Variants in FRMD6 observed in about 807,000 individuals in gnomAD.
FRMD6 encodes the protein FERM domain-containing protein 6.
Under a neutral mutation model 73.2 loss-of-function variants are expected in FRMD6, and 37 were observed. The observed-to-expected ratio is 0.51, with a 90% CI of 0.39 to 0.66. The LOEUF is 0.66. Among genes scored for constraint, FRMD6 ranks in the 30% least tolerant of loss-of-function variants. The pLI, the probability that FRMD6 is intolerant of heterozygous loss-of-function variation, is 0.00. For synonymous variants in FRMD6, 273 were observed against 282.2 expected, an observed-to-expected ratio of 0.97 and a Z score of 0.33; for missense variants, 714 against 780.5, an observed-to-expected ratio of 0.91 and a Z score of 1.02.
At position 51,720,047 on chromosome 14, in the gene FRMD6, C is replaced by T. The variant is rs1203645905; in HGVS notation, c.1025-8C>T. The stretch of plus-strand genomic sequence containing the variant: ...CTTGGTTAATGAACTGTGTTCCCCA[C>T]CACGTAGAGAAGAAGCAGTACCGGG... On this transcript the variant is annotated splice_polypyrimidine_tract_variant and splice_region_variant and intron_variant, in intron 10 of 13. Coordinates refer to ENST00000344768, the MANE Select transcript of FRMD6 (RefSeq NM_001267046.2). 1.9e-6 allele frequency: 3 copies of T among 1,602,206 alleles called. No homozygotes were observed.
chr14:51,481,552 A>G, the FRMD6 span, among the ~76,000 whole-genome samples: 3 of 152,240 alleles, frequency 2.0e-5, no homozygotes, highest in Admixed American at 6.5e-5. Context: ...CAGCCAAGCC[A>G]TATCAAACTG....
At chr14:51,479,088 A>G in the FRMD6 span, among the ~76,000 whole-genome samples, 1,482 of 152,276 alleles carry the variant, frequency 9.7e-3, 29 homozygotes, top group Admixed American at 0.053. Context: ...CAAAAATGCT[A>G]GTTAATTATG....
At chr14:51,716,670 G>A (rs1157698648) in intron 10 of FRMD6, among the ~76,000 whole-genome samples, 1 of 152,204 alleles carries the variant, frequency 6.6e-6, no homozygotes, top group African/African-American at 2.4e-5. Flanking sequence ...ATTCCTCACT[G>A]TCTGCCACAA....
chr14:51,417,113 C>T, the FRMD6 span, among the ~76,000 whole-genome samples: 11 of 152,144 alleles, frequency 7.2e-5, no homozygotes, highest in African/African-American at 2.2e-4. Flanking sequence ...CCCAATTTGC[C>T]AGTCTGTGTC....
At chr14:51,583,057 T>G (rs1006913522) in intron 2 of FRMD6, among the ~76,000 whole-genome samples, 1 of 152,236 alleles carries the variant, frequency 6.6e-6, no homozygotes, top group Non-Finnish European at 1.5e-5. Context: ...TTCATTTTAT[T>G]ATGTATTGAA....
At chr14:51,421,140 C>T in the FRMD6 span, among the ~76,000 whole-genome samples, 44,044 of 152,008 alleles carry the variant, frequency 0.29, 7,074 homozygotes, top group East Asian at 0.58. Context: ...GAACCAATCC[C>T]CTACAGATAC....
At chr14:51,618,010 C>T (rs1298154993) in intron 2 of FRMD6, among the ~76,000 whole-genome samples, 1 of 151,860 alleles carries the variant, frequency 6.6e-6, no homozygotes, top group African/African-American at 2.4e-5. Flanking sequence ...TGATATCTGC[C>T]CTCATGGAGC....
chr14:51,589,269 C>T (rs943521859), intron 2 of FRMD6, among the ~76,000 whole-genome samples: 2 of 152,078 alleles, frequency 1.3e-5, no homozygotes, highest in Non-Finnish European at 2.9e-5. Flanking sequence ...GTATTTATCA[C>T]TCCTAGATTT....
At chr14:51,722,890 G>A (rs1238021312) in intron 12 of FRMD6, among the ~76,000 whole-genome samples, 1 of 152,192 alleles carries the variant, frequency 6.6e-6, no homozygotes, top group Non-Finnish European at 1.5e-5. Flanking sequence ...CACAGCTCCT[G>A]ATGTTCATCG....
chr14:51,479,041 G>T, the FRMD6 span, among the ~76,000 whole-genome samples: 4 of 152,138 alleles, frequency 2.6e-5, no homozygotes, highest in African/African-American at 9.7e-5. Flanking sequence ...GTGTTGGCCA[G>T]GGCAGAATTA....
At chr14:51,459,724 G>A in the FRMD6 span, among the ~76,000 whole-genome samples, 34 of 151,050 alleles carry the variant, frequency 2.3e-4, no homozygotes, top group African/African-American at 7.8e-4. Context: ...CTGCTCGGGA[G>A]GCTGAGGCAG....
rs977672270 is a variant in FRMD6 at position 51,689,998 on chromosome 14, T to A, written c.99+63T>A. On this transcript the variant is annotated intron_variant, in intron 2 of 13. Coordinates refer to ENST00000344768, the MANE Select transcript of FRMD6 (RefSeq NM_001267046.2). ...GTTTTCACCAGTGGCCACATTCAAC[T>A]TATGACTTGATTAAGGGTGAAATCT... The A allele has an allele frequency of 4.8e-6, 5 of 1,045,612 alleles. No homozygotes were observed. The African/African-American group carries it at 7.8e-5, about 16-fold the overall frequency. 64.8% of individuals were successfully genotyped at this position (1,045,612 alleles called of 1,614,324 possible).
At chr14:51,499,228 A>T (rs530627945) in intron 1 of FRMD6, among the ~76,000 whole-genome samples, 5 of 152,222 alleles carry the variant, frequency 3.3e-5, no homozygotes, top group Non-Finnish European at 5.9e-5. Context: ...GGAGATGTTG[A>T]CTCTCAGCAA....
chr14:51,411,331 A>G, the FRMD6 span, among the ~76,000 whole-genome samples: 3 of 152,338 alleles, frequency 2.0e-5, no homozygotes, highest in East Asian at 3.9e-4. Flanking sequence ...AACCAAATTT[A>G]GGGGAATATT....
the FRMD6 span, among the ~76,000 whole-genome samples, chr14:51,482,312 G>A: frequency 4.7e-4 from 71 of 152,288 alleles, 1 homozygote; most frequent in African/African-American, 1.3e-3. Flanking sequence ...GCCAGCCCTC[G>A]CACGTGGTGT....
the FRMD6 span, among the ~76,000 whole-genome samples, chr14:51,479,247 G>A: frequency 2.4e-4 from 37 of 152,282 alleles, no homozygotes; most frequent in African/African-American, 7.0e-4. Context: ...ATCATTGTGC[G>A]CTAAAGGGTT....
chr14:51,485,159 G>T (rs541026477), upstream of FRMD6, among the ~76,000 whole-genome samples: 146 of 152,326 alleles, frequency 9.6e-4, no homozygotes, highest in Non-Finnish European at 1.4e-3. Flanking sequence ...GTTACAGAGG[G>T]CCTCTCACCA....
At chr14:51,508,196 C>T (rs1467960625) in intron 1 of FRMD6, among the ~76,000 whole-genome samples, 4 of 151,902 alleles carry the variant, frequency 2.6e-5, no homozygotes, top group East Asian at 1.9e-4. Flanking sequence ...TGACCCCATC[C>T]GGCCCTGCCT....
chr14:51,449,360 G>A, the FRMD6 span, among the ~76,000 whole-genome samples: 1 of 152,198 alleles, frequency 6.6e-6, no homozygotes, highest in Admixed American at 6.5e-5. Flanking sequence ...GAGCATGGTG[G>A]TGATTTTGAG....
Sources: allele counts gnomAD v4.1 joint callset (sites outside exome capture counted in the v4.1 genomes callset), GRCh38; gene constraint gnomAD v4.1.1; transcripts MANE v1.5; gene names NCBI Gene and HGNC (gene_info 2026-07-23, HGNC 2026-07-21).